The following UBE2O variants were observed in gnomAD, a reference collection of about 807,000 sequenced individuals.
The protein encoded by UBE2O is (E3-independent) E2 ubiquitin-conjugating enzyme.
A neutral mutation model predicts 125.8 loss-of-function variants in UBE2O; 15 were observed. That is an observed-to-expected ratio of 0.12 (90% confidence interval 0.08 to 0.18). UBE2O has a LOEUF of 0.18. Among genes scored for constraint, UBE2O ranks in the 10% least tolerant of loss-of-function variants. The pLI is 1.00. For missense variants in UBE2O, 1,280 were observed against 1,723.6 expected (o/e 0.74, Z 4.56); for synonymous variants, 708 against 703.2 (o/e 1.01, Z -0.11).
intron 1 of UBE2O, among the ~76,000 whole-genome samples, chr17:76,407,520 A>G (rs1323271881): frequency 3.3e-5 from 5 of 152,216 alleles, no homozygotes; most frequent in Non-Finnish European, 7.3e-5. Context: ...GGGCTGCACC[A>G]TGTGTGGCAG....
At chr17:76,393,457 A>G (rs1200537212) in intron 15 of UBE2O, among the ~76,000 whole-genome samples, 1 of 151,402 alleles carries the variant, frequency 6.6e-6, no homozygotes, top group Non-Finnish European at 1.5e-5. Context: ...CTGGTCTCGA[A>G]CTCCTGACCT....
rs59781051 is a variant in UBE2O at position 76,435,417 on chromosome 17, T to TACACACACACAC, written c.417+17296_417+17307dup. Among the ~76,000 whole-genome samples the TACACACACACAC allele has an allele frequency of 7.4e-3, 718 of 96,398 alleles. 6 individuals are homozygous for TACACACACACAC. The highest frequency in any genetic ancestry group is 0.016 in the African/African-American group (580 of 35,154). The allele number at this position is 96,398 out of a possible 152,430, so 63.2% of individuals were successfully genotyped here. ...ATATACAGATACACACACACACACA[T>TACACACACACAC]ACACACACACACACACACACACACA... On this transcript the variant is annotated intron_variant, in intron 1 of 17. Coordinates refer to ENST00000319380, the MANE Select transcript of UBE2O (RefSeq NM_022066.4).
chr17:76,392,129 G>C lies in UBE2O; in HGVS notation c.2947-16C>G. 7.1e-7 allele frequency: 1 copy of C among 1,416,166 alleles called. No homozygotes were observed. Among genetic ancestry groups the C allele is most frequent in the South Asian group, 1.5e-5 (1 of 68,470 alleles). The allele number at this position is 1,416,166 out of a possible 1,614,324, so 87.7% of individuals were successfully genotyped here. A position where few individuals can be genotyped will look rare whatever the true frequency, so the allele number is the denominator to read the frequency against. On this transcript the variant is annotated splice_polypyrimidine_tract_variant and intron_variant, in intron 15 of 17. Transcript: ENST00000319380. ...AGAAGAGGTCCTAGGTAGGGAGGGA[G>C]GGAGGGAGGCCAAGGTTGGCAGGGG...
intron 1 of UBE2O, among the ~76,000 whole-genome samples, chr17:76,433,087 T>C (rs2072929112): frequency 6.6e-6 from 1 of 152,160 alleles, no homozygotes; most frequent in Admixed American, 6.5e-5. Flanking sequence ...CTCCTGGGTA[T>C]AATATCCAAG....
chr17:76,399,671 C>T lies in UBE2O; in HGVS notation c.1406G>A (p.Arg469Lys). ...QLPPFLLKEG[R>K]DDRLHSAEQD... Reference sequence around the variant, plus strand: ...CTCTGCCGAGTGCAGCCTGTCATCTCTGCCTTCTTTTAGCAGGAATGGGGG... The same window carrying T: ...CTCTGCCGAGTGCAGCCTGTCATCTTTGCCTTCTTTTAGCAGGAATGGGGG... The change falls in exon 9 of 18, where the codon AGA becomes AAA. Residue 469 changes from arginine to lysine, a missense_variant. By Grantham distance (26) the Arg-to-Lys change is conservative. Transcript: ENST00000319380. The surrounding 1 kb of genome is among the most constrained non-coding windows in gnomAD (Gnocchi z 6.9). 6.2e-7 allele frequency: 1 copy of T among 1,614,198 alleles called. No individual in the cohort carries two copies. Among genetic ancestry groups the T allele is most frequent in the Non-Finnish European group, 8.5e-7 (1 of 1,180,036 alleles).
chr17:76,392,332 C>G (rs909358769), intron 15 of UBE2O, among the ~76,000 whole-genome samples: 3 of 151,926 alleles, frequency 2.0e-5, no homozygotes, highest in Non-Finnish European at 4.4e-5. Context: ...GAGACAGGGT[C>G]TTGCTGTGTC....
At chr17:76,447,622 T>C (rs1174370913) in intron 1 of UBE2O, among the ~76,000 whole-genome samples, 2 of 152,300 alleles carry the variant, frequency 1.3e-5, no homozygotes, top group South Asian at 4.2e-4. Flanking sequence ...ACTTTAAATG[T>C]GCATTACTGA....
chr17:76,446,331 T>C (rs11077817), intron 1 of UBE2O, among the ~76,000 whole-genome samples: 85,721 of 152,114 alleles, frequency 0.56, 25,793 homozygotes, highest in South Asian at 0.68. Flanking sequence ...ACACGACAAT[T>C]GCACCCTTTT....
rs181467946 is a variant in UBE2O, at chr17:76,422,742, A to T, written c.418-17170T>A. Among the ~76,000 whole-genome samples, 244 of 152,256 alleles carry T rather than the reference A, an allele frequency of 1.6e-3. 2 individuals carry two copies. The highest frequency in any genetic ancestry group is 5.3e-4 in the Non-Finnish European group (36 of 68,012). On this transcript the variant is annotated intron_variant, in intron 1 of 17. Coordinates refer to ENST00000319380, the MANE Select transcript of UBE2O (RefSeq NM_022066.4). ...ACCCTGTCTGGAATTGCTCCTCCTC[A>T]TTCTCTATCCACCTGCTTTATTTTT...
Position 76,391,811 on chromosome 17 carries a change from C to A in UBE2O, c.3153G>T (p.Gly1051=), listed in dbSNP as rs540024258. 1.2e-6 allele frequency: 2 copies of A among 1,614,130 alleles called. No homozygotes were observed. Among genetic ancestry groups the A allele is most frequent in the African/African-American group, 2.7e-5 (2 of 75,042 alleles). The change falls in exon 17 of 18, where the codon GGG becomes GGT. Residue 1051 remains glycine, a splice_region_variant and synonymous_variant. Transcript: ENST00000319380. This position sits in a 1 kb window ranked among gnomAD's most constrained non-coding sequence, Gnocchi z 8.4. ...TGGACTTGCTTGTCCACCTCTCTGT[C>A]CCCTGAAACACACAGGGCACCATCA... ...VSLLGTWIGK[G]TERWTSKSSL...
intron 5 of UBE2O, 146 bp downstream of exon 5, chr17:76,401,918 C>T (rs977625679): frequency 1.5e-5 from 8 of 549,510 alleles, no homozygotes; most frequent in Admixed American, 3.8e-5. Flanking sequence ...TCTGCCTATA[C>T]CCAAACTTTT....
In UBE2O at chr17:76,405,194, G is replaced by C. The variant is rs767167301; in HGVS notation, c.588+12C>G. 6.3e-7 allele frequency: 1 copy of C among 1,592,980 alleles called. No homozygotes were observed. Among genetic ancestry groups the C allele is most frequent in the East Asian group, 2.2e-5 (1 of 44,448 alleles). Reference sequence around the variant, plus strand: ...GCCCAGAAAGGATGATGAGAAGACAGGGCCGGCTCACCCAGATGTGCTGCA... The same window carrying C: ...GCCCAGAAAGGATGATGAGAAGACACGGCCGGCTCACCCAGATGTGCTGCA... On this transcript the variant is annotated intron_variant, in intron 3 of 17. Coordinates refer to ENST00000319380, the MANE Select transcript of UBE2O (RefSeq NM_022066.4). This position sits in a 1 kb window ranked among gnomAD's most constrained non-coding sequence, Gnocchi z 6.1.
At chr17:76,427,896 C>A (rs1041073304) in intron 1 of UBE2O, among the ~76,000 whole-genome samples, 1 of 152,182 alleles carries the variant, frequency 6.6e-6, no homozygotes, top group Non-Finnish European at 1.5e-5. Flanking sequence ...CCATGCTTCA[C>A]GTGTTCATGC....
At chr17:76,397,652 G>A in intron 13 of UBE2O, 147 bp downstream of exon 13, 1 of 782,494 alleles carries the variant, frequency 1.3e-6, no homozygotes, top group Non-Finnish European at 2.2e-6. Context: ...ACCAAGGGCT[G>A]TGTGGAATGC....
In UBE2O at chr17:76,402,834, T is replaced by TGAC; in HGVS notation, c.589-136_589-135insGTC. ...CTCACTGACTGGACCGGTTGGCTAC[T>TGAC]AGCCCTAAACAGCTGCTGCAGCAGG... On this transcript the variant is annotated intron_variant, in intron 3 of 17. Coordinates refer to ENST00000319380, the MANE Select transcript of UBE2O (RefSeq NM_022066.4). This position sits in a 1 kb window ranked among gnomAD's most constrained non-coding sequence, Gnocchi z 5.4. The TGAC allele has an allele frequency of 1.4e-6, 1 of 727,204 alleles. No homozygotes were observed. The highest frequency in any genetic ancestry group is 2.4e-6 in the Non-Finnish European group (1 of 418,226). 45.0% of individuals were successfully genotyped at this position (727,204 alleles called of 1,614,324 possible).
Position 76,392,115 on chromosome 17 carries a change from TAGGTAGGGAGGGAGGGAGGGAGGCCA to T in UBE2O, c.2947-28_2947-3del. On this transcript the variant is annotated splice_region_variant and splice_polypyrimidine_tract_variant and intron_variant, in intron 15 of 17. Transcript: ENST00000319380. ...CTTGATGAGAGCTGAGAAGAGGTCC[TAGGTAGGGAGGGAGGGAGGGAGGCCA>T]AGGTTGGCAGGGGTGGAAGGGGGTG... 6.9e-7 allele frequency: 1 copy of T among 1,455,298 alleles called. No individual in the cohort carries two copies. Among genetic ancestry groups the T allele is most frequent in the Non-Finnish European group, 9.1e-7 (1 of 1,095,026 alleles). The allele number at this position is 1,455,298 out of a possible 1,614,324, so 90.1% of individuals were successfully genotyped here.
chr17:76,419,083 G>C (rs1464296204), intron 1 of UBE2O, among the ~76,000 whole-genome samples: 1 of 151,396 alleles, frequency 6.6e-6, no homozygotes, highest in South Asian at 2.1e-4. Flanking sequence ...AGGAGTTCGA[G>C]AACCAGCCTG....
chr17:76,399,175 T>C lies in UBE2O; in HGVS notation c.1629-184A>G. On this transcript the variant is annotated intron_variant, in intron 9 of 17. Transcript: ENST00000319380. This position sits in a 1 kb window ranked among gnomAD's most constrained non-coding sequence, Gnocchi z 6.9. ...CAGGGTTCCAAGGCCACGCATTCTC[T>C]GAGAACAGGATCCACTTGGGAGAGC... 1.2e-6 allele frequency: 1 copy of C among 829,260 alleles called. No homozygotes were observed. The highest frequency in any genetic ancestry group is 1.8e-6 in the Non-Finnish European group (1 of 545,090). The allele number at this position is 829,260 out of a possible 1,614,324, so 51.4% of individuals were successfully genotyped here.
At chr17:76,392,235 C>G in intron 15 of UBE2O, 122 bp from the exon 16 acceptor site, 2 of 594,908 alleles carry the variant, frequency 3.4e-6, no homozygotes, top group Non-Finnish European at 5.5e-6. Context: ...GCAGGAAGAG[C>G]AGCACCTGGG....
Sources: gnomAD v4.1 joint callset for allele counts (sites outside exome capture counted in the v4.1 genomes callset) on GRCh38, gnomAD v4.1.1 for gene constraint, Gnocchi (gnomAD v3.1) non-coding constraint, MANE v1.5 for transcripts, NCBI Gene and HGNC (gene_info 2026-07-23, HGNC 2026-07-21) for gene names.